Variants in ASIC2 observed in about 807,000 individuals in gnomAD.
The protein encoded by ASIC2 is acid-sensing ion channel 2.
ASIC2 carries 25 observed loss-of-function variants against 57.3 expected under a neutral mutation model. The observed-to-expected ratio is 0.44, with a 90% CI of 0.32 to 0.61. ASIC2 has a LOEUF of 0.61. ASIC2 is among the 20% of genes least tolerant of loss of function. The pLI is 0.06. For synonymous variants in ASIC2, 319 were observed against 307.5 expected (o/e 1.04, Z -0.39); for missense variants, 641 against 738.1 (o/e 0.87, Z 1.52).
chr17:33,097,092 C>T (rs940429459), intron 2 of ASIC2, among the ~76,000 whole-genome samples: 5 of 152,236 alleles, frequency 3.3e-5, no homozygotes, highest in Admixed American at 6.5e-5. Context: ...GGCTCTGAGG[C>T]CTGTGCTTTT....
At chr17:33,653,165 T>G (rs1444268713) in intron 1 of ASIC2, among the ~76,000 whole-genome samples, 1 of 152,142 alleles carries the variant, frequency 6.6e-6, no homozygotes, top group Non-Finnish European at 1.5e-5. Flanking sequence ...ATTTCCAGGG[T>G]AAAGGAAACT....
Position 33,473,148 on chromosome 17 carries a change from T to C in ASIC2, c.556-361081A>G, listed in dbSNP as rs968826571. 2.0e-5 allele frequency among the ~76,000 whole-genome samples: 3 copies of C among 152,232 alleles called. No homozygotes were observed. The East Asian group carries it at 5.8e-4, about 29-fold the overall frequency. On this transcript the variant is annotated intron_variant, in intron 1 of 9. Transcript: ENST00000359872. The stretch of plus-strand genomic sequence containing the variant: ...TGTAAAGAAAAAGAGGCTAATTTCT[T>C]GAGCAGGAAGGATCTGATTCTAGCC...
At chr17:33,229,954 C>A (rs1252421207) in intron 1 of ASIC2, among the ~76,000 whole-genome samples, 1 of 152,162 alleles carries the variant, frequency 6.6e-6, no homozygotes, top group Admixed American at 6.5e-5. Flanking sequence ...CCTTGAAGGT[C>A]CTTTCCAGAC....
At chr17:33,525,845 C>G (rs1452697957) in intron 1 of ASIC2, among the ~76,000 whole-genome samples, 4 of 152,338 alleles carry the variant, frequency 2.6e-5, no homozygotes, top group Non-Finnish European at 5.9e-5. Context: ...TCACCTCCTC[C>G]AGGAAGCTTT....
At chr17:33,871,911 A>G (rs1175755509) in intron 1 of ASIC2, among the ~76,000 whole-genome samples, 1 of 151,950 alleles carries the variant, frequency 6.6e-6, no homozygotes, top group African/African-American at 2.4e-5. Context: ...GCTGAGTCAC[A>G]CTCTGCAGAG....
At chr17:33,320,736 C>T (rs1041796550) in intron 1 of ASIC2, among the ~76,000 whole-genome samples, 42 of 152,300 alleles carry the variant, frequency 2.8e-4, no homozygotes, top group Admixed American at 2.7e-3. Flanking sequence ...CTTCTCTCTC[C>T]TTGCTTTTCC....
rs28498323 is a variant in ASIC2 at position 33,590,177 on chromosome 17, C to A, written c.556-478110G>T. Among the ~76,000 whole-genome samples, 728 of 152,276 alleles carry A rather than the reference C, an allele frequency of 4.8e-3. 6 individuals are homozygous for A. Among genetic ancestry groups the A allele is most frequent in the African/African-American group, 0.017 (700 of 41,540 alleles). ...GGGACATGCCCTCCTTTCCTATATC[C>A]TTCCCTACTTCCACCCCACCAAGGA... is the stretch of plus-strand genomic sequence containing the variant. On this transcript the variant is annotated intron_variant, in intron 1 of 9. Transcript: ENST00000359872.
chr17:33,376,505 T>C (rs923944613), intron 1 of ASIC2, among the ~76,000 whole-genome samples: 2 of 152,214 alleles, frequency 1.3e-5, no homozygotes, highest in Non-Finnish European at 1.5e-5. Context: ...CTTAAACTTA[T>C]TGAGAACTAA....
At chr17:33,740,815 T>C (rs2142097695) in intron 1 of ASIC2, among the ~76,000 whole-genome samples, 1 of 152,352 alleles carries the variant, frequency 6.6e-6, no homozygotes, top group South Asian at 2.1e-4. Flanking sequence ...TTGTGGGGTA[T>C]GGTTCTGGGA....
At chr17:33,811,681 T>C (rs1597885646) in intron 1 of ASIC2, among the ~76,000 whole-genome samples, 5 of 152,310 alleles carry the variant, frequency 3.3e-5, no homozygotes. Flanking sequence ...ACCTGAGACA[T>C]AGTCTACTGA....
intron 1 of ASIC2, among the ~76,000 whole-genome samples, chr17:34,150,052 G>A (rs892509540): frequency 1.3e-5 from 2 of 152,220 alleles, no homozygotes; most frequent in Non-Finnish European, 2.9e-5. Flanking sequence ...ATACTATTCA[G>A]CCTTTAAAAA....
intron 1 of ASIC2, among the ~76,000 whole-genome samples, chr17:33,992,739 C>T (rs974053766): frequency 2.6e-5 from 4 of 152,284 alleles, no homozygotes; most frequent in East Asian, 1.9e-4. Context: ...CTTCCCACAG[C>T]GCTGGTTGTT....
intron 2 of ASIC2, among the ~76,000 whole-genome samples, chr17:33,104,048 C>G (rs1452453913): frequency 6.6e-6 from 1 of 152,156 alleles, no homozygotes; most frequent in African/African-American, 2.4e-5. Flanking sequence ...TGCTGGCTTC[C>G]TCAGTGCAGG....
At chr17:33,925,290 A>C (rs4794978) in intron 1 of ASIC2, among the ~76,000 whole-genome samples, 47,296 of 152,194 alleles carry the variant, frequency 0.31, 7,943 homozygotes, top group Admixed American at 0.39. Flanking sequence ...ATATAAGCGC[A>C]AAATGCACTG....
At chr17:33,539,579 C>T (rs1339732047) in intron 1 of ASIC2, among the ~76,000 whole-genome samples, 2 of 152,272 alleles carry the variant, frequency 1.3e-5, no homozygotes, top group Admixed American at 6.5e-5. Flanking sequence ...GTGCAACCAT[C>T]GTGCATCACC....
chr17:33,384,107 G>C (rs1312302010), intron 1 of ASIC2, among the ~76,000 whole-genome samples: 3 of 152,182 alleles, frequency 2.0e-5, no homozygotes, highest in African/African-American at 7.2e-5. Flanking sequence ...GCCCCCACCT[G>C]TTAAGTAGGG....
chr17:33,734,804 G>A (rs910844410), intron 1 of ASIC2, among the ~76,000 whole-genome samples: 3 of 152,114 alleles, frequency 2.0e-5, no homozygotes, highest in African/African-American at 7.2e-5. Context: ...AAGGAGAGAG[G>A]TCTCACCCAA....
chr17:33,541,058 T>C (rs764087426), intron 1 of ASIC2, among the ~76,000 whole-genome samples: 16 of 149,116 alleles, frequency 1.1e-4, no homozygotes, highest in Non-Finnish European at 1.9e-4. Context: ...ACTGGGCATG[T>C]TGTTTTTTTT....
At chr17:33,734,658 G>A (rs191866517) in intron 1 of ASIC2, among the ~76,000 whole-genome samples, 9 of 152,306 alleles carry the variant, frequency 5.9e-5, no homozygotes, top group Admixed American at 2.0e-4. Context: ...GGTTAAATGA[G>A]GTTGTAAGGA....
Sources: gnomAD v4.1 joint callset for allele counts (sites outside exome capture counted in the v4.1 genomes callset) on GRCh38, gnomAD v4.1.1 for gene constraint, MANE v1.5 for transcripts, NCBI Gene and HGNC (gene_info 2026-07-23, HGNC 2026-07-21) for gene names.